Variants in DHX15 observed in about 807,000 individuals in gnomAD.
DHX15 encodes the protein DEAH-box helicase 15, also known as ATP-dependent RNA helicase DHX15.
Under a neutral mutation model 94.4 loss-of-function variants are expected in DHX15, and 11 were observed. The ratio of observed to expected loss-of-function variants is 0.12; its 90% CI spans 0.07 to 0.19. The LOEUF (loss-of-function observed/expected upper bound fraction) is 0.19. Among genes scored for constraint, DHX15 ranks in the 10% least tolerant of loss-of-function variants. The pLI is 1.00. For missense variants in DHX15, 304 were observed against 988.5 expected (o/e 0.31, Z 9.29); for synonymous variants, 338 against 329.9 (o/e 1.02, Z -0.27).
intron 3 of DHX15, among the ~76,000 whole-genome samples, chr4:24,568,879 G>A (rs944892628): frequency 5.9e-5 from 9 of 152,240 alleles, no homozygotes; most frequent in Middle Eastern, 3.4e-3. Flanking sequence ...GATCAATAAC[G>A]TATCACTGAA....
At chr4:24,546,093 T>C (rs1056477346) in intron 6 of DHX15, among the ~76,000 whole-genome samples, 1 of 152,192 alleles carries the variant, frequency 6.6e-6, no homozygotes, top group Non-Finnish European at 1.5e-5. Flanking sequence ...GAATACTGTC[T>C]GGACACAATA....
At chr4:24,578,588 A>T (rs1012260532) in intron 1 of DHX15, among the ~76,000 whole-genome samples, 1 of 152,046 alleles carries the variant, frequency 6.6e-6, no homozygotes, top group Non-Finnish European at 1.5e-5. Flanking sequence ...TTGAGATAGG[A>T]TCTTGCTCCA....
In DHX15 at chr4:24,550,122, A is replaced by C. The variant is rs1289687648; in HGVS notation, c.1081-1100T>G. ...AAAAAAAAAAAAAAAAAAAAAAAAAAACGGTAAAAATCAGTACACTCATAT... is the reference window on the plus strand; with the variant it reads ...AAAAAAAAAAAAAAAAAAAAAAAAACACGGTAAAAATCAGTACACTCATAT... On this transcript the variant is annotated intron_variant, in intron 5 of 13. Coordinates refer to ENST00000336812, the MANE Select transcript of DHX15 (RefSeq NM_001358.3). 2.0e-4 allele frequency among the ~76,000 whole-genome samples: 26 copies of C among 127,996 alleles called. No individual in the cohort carries two copies. The South Asian group carries it at 6.1e-3, about 30-fold the overall frequency. The allele number at this position is 127,996 out of a possible 152,430, so 84.0% of individuals were successfully genotyped here.
intron 12 of DHX15, among the ~76,000 whole-genome samples, chr4:24,531,208 C>A (rs528976530): frequency 6.6e-6 from 1 of 152,188 alleles, no homozygotes; most frequent in African/African-American, 2.4e-5. Flanking sequence ...CCTGCCTCAG[C>A]CTCCCGAGTA....
intron 6 of DHX15, among the ~76,000 whole-genome samples, chr4:24,548,305 G>C (rs143634351): frequency 0.021 from 3,137 of 152,104 alleles, 65 homozygotes; most frequent in Admixed American, 0.028. Flanking sequence ...ACCACGCCCG[G>C]CTAATTTTTT....
intron 6 of DHX15, among the ~76,000 whole-genome samples, chr4:24,547,922 T>TAG (rs1721474970): frequency 3.8e-5 from 2 of 53,250 alleles, no homozygotes; most frequent in African/African-American, 1.7e-4. Context: ...TATATATATA[T>TAG]ATATATATAT....
intron 2 of DHX15, among the ~76,000 whole-genome samples, chr4:24,572,666 C>T (rs189904360): frequency 7.2e-5 from 11 of 152,212 alleles, no homozygotes; most frequent in East Asian, 3.9e-4. Flanking sequence ...CACAAAATAA[C>T]GCTTTCTATA....
At chr4:24,565,197 G>C (rs1424395580) in intron 3 of DHX15, among the ~76,000 whole-genome samples, 2 of 152,176 alleles carry the variant, frequency 1.3e-5, no homozygotes, top group Admixed American at 6.5e-5. Context: ...TATAAACAAA[G>C]AGAGCCTTCT....
intron 2 of DHX15, among the ~76,000 whole-genome samples, chr4:24,571,923 A>C (rs1333362935): frequency 6.6e-6 from 1 of 152,230 alleles, no homozygotes; most frequent in African/African-American, 2.4e-5. Flanking sequence ...CTAAAGAAGT[A>C]GTATCTATCG....
chr4:24,570,515 CAT>C (rs1462426245), intron 3 of DHX15, 137 bp downstream of exon 3: 5 of 621,800 alleles, frequency 8.0e-6, no homozygotes, highest in Admixed American at 5.9e-5. Context: ...AAACTAAGGT[CAT>C]GTGGTAAGTC....
rs762225593 is a variant in DHX15, at chr4:24,532,945, C to T, written c.2019G>A (p.Leu673=). The T allele has an allele frequency of 5.6e-6, 9 of 1,613,792 alleles. No homozygotes were observed. The African/African-American group carries it at 1.2e-4, about 22-fold the overall frequency. The change falls in exon 12 of 14, where the codon TTG becomes TTA. Residue 673 remains leucine (L), a synonymous_variant. Coordinates refer to ENST00000336812, the MANE Select transcript of DHX15 (RefSeq NM_001358.3). The stretch of plus-strand genomic sequence containing the variant: ...TTGTAAAGTCAGTACTTCGACGAGG[C>T]AAATTAAATCTGTCCATAATTCGAG... ...QLSRIMDRFN[L]PRRSTDFTSR... is the part of the protein sequence containing the mutation.
At chr4:24,542,870 C>A in intron 7 of DHX15, 70 bp downstream of exon 7, 2 of 1,079,828 alleles carry the variant, frequency 1.9e-6, no homozygotes, top group South Asian at 1.5e-5. Context: ...TAAATTTTAG[C>A]CATTAAATGA....
intron 2 of DHX15, among the ~76,000 whole-genome samples, chr4:24,572,934 G>A (rs1046221445): frequency 2.0e-5 from 3 of 151,992 alleles, no homozygotes; most frequent in East Asian, 1.9e-4. Flanking sequence ...CTTTTAAGAC[G>A]GAGTTTCACT....
chr4:24,554,676 T>C, intron 5 of DHX15, 49 bp downstream of exon 5: 2 of 1,422,980 alleles, frequency 1.4e-6, no homozygotes, highest in Non-Finnish European at 2.0e-6. Flanking sequence ...TGCTGCATAT[T>C]AGAAACAGTA....
intron 2 of DHX15, among the ~76,000 whole-genome samples, chr4:24,574,703 G>C (rs1722203581): frequency 6.6e-6 from 1 of 152,112 alleles, no homozygotes; most frequent in Non-Finnish European, 1.5e-5. Context: ...ACCTCATTTT[G>C]CTCATCTGTA....
At chr4:24,584,197 A>C (rs1577355696) in intron 1 of DHX15, 126 bp downstream of exon 1, 1 of 1,038,648 alleles carries the variant, frequency 9.6e-7, no homozygotes, top group Non-Finnish European at 1.4e-6. Flanking sequence ...CCGCTAGTGA[A>C]CCCAGCCCAG....
intron 5 of DHX15, among the ~76,000 whole-genome samples, chr4:24,554,245 G>C (rs887057204): frequency 6.6e-6 from 1 of 152,120 alleles, no homozygotes; most frequent in African/African-American, 2.4e-5. Flanking sequence ...CTACATCTGA[G>C]AATAAAATTT....
intron 10 of DHX15, 29 bp downstream of exon 10, chr4:24,540,079 G>C: frequency 6.9e-7 from 1 of 1,439,310 alleles, no homozygotes; most frequent in Non-Finnish European, 9.2e-7. Context: ...GAAGAGCTGG[G>C]CTTTTTTTTG....
At chr4:24,569,654 A>C (rs1462328046) in intron 3 of DHX15, among the ~76,000 whole-genome samples, 1 of 151,512 alleles carries the variant, frequency 6.6e-6, no homozygotes, top group Admixed American at 6.6e-5. Context: ...AACACTATAT[A>C]TCTCTCTGAC....
Sources: gnomAD v4.1 joint callset for allele counts (sites outside exome capture counted in the v4.1 genomes callset) on GRCh38, gnomAD v4.1.1 for gene constraint, MANE v1.5 for transcripts, NCBI Gene and HGNC (gene_info 2026-07-23, HGNC 2026-07-21) for gene names.